Variants in ZMAT5 observed in about 807,000 individuals in gnomAD.
The protein encoded by ZMAT5 is zinc finger matrin-type 5.
A neutral mutation model predicts 28.0 loss-of-function variants in ZMAT5; 23 were observed. The ratio of observed to expected loss-of-function variants is 0.82; its 90% confidence interval spans 0.59 to 1.16. ZMAT5 has a LOEUF of 1.16. ZMAT5 is among the 50% of genes most tolerant of loss of function. The pLI is 0.00. For missense variants in ZMAT5, 173 were observed against 212.7 expected, an observed-to-expected ratio of 0.81 and a Z score of 1.16; for synonymous variants, 76 against 84.1, an observed-to-expected ratio of 0.90 and a Z score of 0.52.
chr22:29,741,233 G>A (rs141762752), intron 3 of ZMAT5, among the ~76,000 whole-genome samples: 43 of 152,322 alleles, frequency 2.8e-4, no homozygotes, highest in Non-Finnish European at 4.9e-4. Context: ...AATCTGGGGT[G>A]GCTTCCCCTC....
At position 29,749,694 on chromosome 22, in the gene ZMAT5, C is replaced by G. The variant is rs541944677; in HGVS notation, c.-27-1123G>C. 2.3e-3 allele frequency among the ~76,000 whole-genome samples: 353 copies of G among 152,294 alleles called. 2 individuals carry two copies. Among genetic ancestry groups the G allele is most frequent in the Non-Finnish European group, 2.3e-3 (159 of 68,024 alleles). On this transcript the variant is annotated intron_variant, in intron 1 of 5. Transcript: ENST00000344318. ...CCCAAATCTCATCTCGAATTGTAAT[C>G]CCCATAATCCCCAGGTGTCCAGGGA...
intron 1 of ZMAT5, 140 bp from the exon 2 acceptor site, chr22:29,748,711 T>C: frequency 8.7e-7 from 1 of 1,155,766 alleles, no homozygotes; most frequent in South Asian, 1.5e-5. Flanking sequence ...GTCAAGCTGA[T>C]GAGTATGGCC....
chr22:29,749,304 G>C (rs996492881), intron 1 of ZMAT5, among the ~76,000 whole-genome samples: 3 of 151,624 alleles, frequency 2.0e-5, no homozygotes, highest in African/African-American at 7.3e-5. Flanking sequence ...GGTCTCCTGG[G>C]CTCAAGTGTC....
chr22:29,734,976 G>A (rs1469929214), intron 5 of ZMAT5, among the ~76,000 whole-genome samples: 1 of 152,274 alleles, frequency 6.6e-6, no homozygotes, highest in Non-Finnish European at 1.5e-5. Context: ...GGGAGGGGCC[G>A]CTGGGGTGCC....
chr22:29,735,307 G>C (rs907021961), intron 5 of ZMAT5, among the ~76,000 whole-genome samples: 10 of 152,186 alleles, frequency 6.6e-5, no homozygotes, highest in African/African-American at 2.4e-4. Flanking sequence ...GCTCTGCCTA[G>C]AGAACAATTC....
chr22:29,755,164 A>G (rs1360513091), intron 1 of ZMAT5, among the ~76,000 whole-genome samples: 1 of 152,060 alleles, frequency 6.6e-6, no homozygotes, highest in East Asian at 1.9e-4. Context: ...GCGTGGTGGC[A>G]CACGCCTATA....
chr22:29,754,886 T>A (rs1327424625), intron 1 of ZMAT5, among the ~76,000 whole-genome samples: 3 of 152,002 alleles, frequency 2.0e-5, no homozygotes, highest in African/African-American at 7.2e-5. Context: ...AAGAAAAAAA[T>A]GTGCCTAGCA....
intron 1 of ZMAT5, among the ~76,000 whole-genome samples, chr22:29,756,316 T>A (rs2068100754): frequency 5.3e-5 from 8 of 152,126 alleles, no homozygotes; most frequent in Admixed American, 3.9e-4. Context: ...GTGGGGGTGG[T>A]CTGCAGACTG....
rs376807920 is a variant in ZMAT5 at position 29,742,600 on chromosome 22, T to A, written c.128-120A>T. The stretch of plus-strand genomic sequence containing the variant: ...CGACACAGCTGTGCAGAAAGAAGAG[T>A]TTCCTGTTCCACGGAGGAGTGGAAG... On this transcript the variant is annotated intron_variant, in intron 2 of 5. Transcript: ENST00000344318. 1.2e-5 allele frequency: 11 copies of A among 935,714 alleles called. No individual in the cohort carries two copies. In the African/African-American group the frequency reaches 1.8e-4, roughly 15 times the overall value. 58.0% of individuals were successfully genotyped at this position (935,714 alleles called of 1,614,324 possible).
intron 1 of ZMAT5, among the ~76,000 whole-genome samples, chr22:29,755,000 A>G (rs2068086114): frequency 6.6e-6 from 1 of 151,972 alleles, no homozygotes; most frequent in South Asian, 2.1e-4. Context: ...ACCCCACTTT[A>G]AAATCGCAGT....
chr22:29,731,555 C>T (rs1302267505), intron 5 of ZMAT5: 6 of 587,002 alleles, frequency 1.0e-5, no homozygotes, highest in Non-Finnish European at 1.7e-5. Flanking sequence ...AAGGAAATAG[C>T]GGGGTTGCAG....
chr22:29,747,704 G>C (rs140124), intron 2 of ZMAT5: 47,565 of 153,932 alleles, frequency 0.31, 8,647 homozygotes, highest in East Asian at 0.6. Flanking sequence ...CACCTCCCGG[G>C]AAACAGGCCC....
rs756741335 is a variant in ZMAT5, at chr22:29,731,318, G to A, written c.420C>T (p.Pro140=). ...EPIRTTVFQY[P]VGWPPVQELP... is the part of the protein sequence containing the mutation. Reference sequence around the variant, plus strand: ...GCTCCTGAACTGGTGGCCAGCCCACGGGGTACTGGAAGACAGTGGTTCTGA... The same window carrying A: ...GCTCCTGAACTGGTGGCCAGCCCACAGGGTACTGGAAGACAGTGGTTCTGA... The change falls in exon 6 of 6, where the codon CCC becomes CCT. Residue 140 remains proline, a synonymous_variant. Coordinates refer to ENST00000344318, the MANE Select transcript of ZMAT5 (RefSeq NM_001003692.2). The A allele has an allele frequency of 1.4e-5, 21 of 1,532,286 alleles. No homozygotes were observed. Among genetic ancestry groups the A allele is most frequent in the Non-Finnish European group, 1.7e-5 (19 of 1,151,144 alleles). The allele number at this position is 1,532,286 out of a possible 1,614,324, so 94.9% of individuals were successfully genotyped here.
chr22:29,761,457 G>A (rs1439901359), intron 1 of ZMAT5, among the ~76,000 whole-genome samples: 2 of 151,212 alleles, frequency 1.3e-5, no homozygotes, highest in Non-Finnish European at 3.0e-5. Context: ...GTGCGGGCTC[G>A]GGCCTGTGGT....
chr22:29,741,804 C>T (rs1055568054), intron 3 of ZMAT5, among the ~76,000 whole-genome samples: 1 of 152,114 alleles, frequency 6.6e-6, no homozygotes, highest in Non-Finnish European at 1.5e-5. Context: ...TGTGTGCTAC[C>T]ATGCCCAGCT....
chr22:29,748,353 T>C (rs2068027363), intron 2 of ZMAT5, 65 bp downstream of exon 2: 1 of 1,611,386 alleles, frequency 6.2e-7, no homozygotes, highest in Non-Finnish European at 8.5e-7. Flanking sequence ...CACAGGAGTC[T>C]TTGATGATAA....
intron 1 of ZMAT5, chr22:29,758,953 C>G (rs2068129764): frequency 2.6e-5 from 4 of 152,244 alleles, no homozygotes; most frequent in Admixed American, 2.6e-4. Flanking sequence ...TTCCAGAGAC[C>G]TGGTTCACTC....
intron 2 of ZMAT5, chr22:29,747,017 T>G (rs887446623): frequency 1.3e-5 from 2 of 152,072 alleles, no homozygotes; most frequent in African/African-American, 4.8e-5. Context: ...CACTTGAACC[T>G]CTGAGCCTCA....
At chr22:29,749,620 C>T (rs1275391177) in intron 1 of ZMAT5, among the ~76,000 whole-genome samples, 3 of 152,240 alleles carry the variant, frequency 2.0e-5, no homozygotes, top group Non-Finnish European at 4.4e-5. Context: ...GCTTTATTTT[C>T]CCTCATAGCA....
Sources: gnomAD v4.1 joint callset for allele counts (sites outside exome capture counted in the v4.1 genomes callset) on GRCh38, gnomAD v4.1.1 for gene constraint, MANE v1.5 for transcripts, NCBI Gene and HGNC (gene_info 2026-07-23, HGNC 2026-07-21) for gene names.